Variants in NDRG1 observed in about 807,000 individuals in gnomAD.
NDRG1 encodes the protein N-myc downstream regulated 1, also known as protein NDRG1.
In NDRG1, 32 loss-of-function variants were observed where a neutral mutation model predicts 56.9. The observed-to-expected ratio is 0.56, with a 90% CI of 0.42 to 0.76. NDRG1 has a LOEUF of 0.76. NDRG1 is among the 30% of genes least tolerant of loss of function. NDRG1 has a pLI of 0.00. For synonymous variants in NDRG1, 211 were observed against 204.1 expected (o/e 1.03, Z -0.29); for missense variants, 507 against 545.7 (o/e 0.93, Z 0.71).
At chr8:133,243,466 G>C (rs747039405) in intron 14 of NDRG1, among the ~76,000 whole-genome samples, 4 of 152,166 alleles carry the variant, frequency 2.6e-5, no homozygotes, top group Non-Finnish European at 5.9e-5. Context: ...GAGGACTATT[G>C]CAAGGACCTA....
At chr8:133,293,879 C>T (rs34246778) in intron 1 of NDRG1, among the ~76,000 whole-genome samples, 1 of 152,196 alleles carries the variant, frequency 6.6e-6, no homozygotes, top group African/African-American at 2.4e-5. Context: ...AAAGCAATAC[C>T]TAGGTCAAGC....
intron 1 of NDRG1, among the ~76,000 whole-genome samples, chr8:133,289,725 C>T (rs374799908): frequency 5.3e-5 from 8 of 152,122 alleles, no homozygotes; most frequent in South Asian, 2.1e-4. Flanking sequence ...TTCAGTAATC[C>T]GACACCACTT....
chr8:133,257,886 A>G (rs1856463429), intron 7 of NDRG1, among the ~76,000 whole-genome samples: 1 of 152,246 alleles, frequency 6.6e-6, no homozygotes, highest in African/African-American at 2.4e-5. Context: ...ATGGATGTAC[A>G]AAATGAGTAT....
intron 3 of NDRG1, among the ~76,000 whole-genome samples, chr8:133,274,652 G>A (rs1480614344): frequency 1.3e-5 from 2 of 152,218 alleles, no homozygotes; most frequent in African/African-American, 4.8e-5. Flanking sequence ...TAAGCCCAAT[G>A]AAGTGTTGCT....
intron 5 of NDRG1, among the ~76,000 whole-genome samples, chr8:133,261,036 T>G (rs553739890): frequency 6.6e-6 from 1 of 152,186 alleles, no homozygotes; most frequent in Non-Finnish European, 1.5e-5. Flanking sequence ...TAAGGCAGCC[T>G]GATGTTCCAA....
intron 1 of NDRG1, chr8:133,296,392 G>A (rs915620911): frequency 1.6e-5 from 7 of 436,312 alleles, no homozygotes; most frequent in Non-Finnish European, 3.3e-5. Context: ...CCAATCCCGG[G>A]TTCCTCCGGG....
chr8:133,253,127 T>C (rs1020491081), intron 9 of NDRG1, among the ~76,000 whole-genome samples: 1 of 152,232 alleles, frequency 6.6e-6, no homozygotes, highest in Non-Finnish European at 1.5e-5. Context: ...ACCAAGCCCA[T>C]GGCATACCCT....
At chr8:133,240,674 C>CT (rs1297164138) in intron 15 of NDRG1, 3 of 152,210 alleles carry the variant, frequency 2.0e-5, no homozygotes, top group African/African-American at 7.2e-5. Context: ...TATTTTCCCC[C>CT]CAAGACCTGC....
At chr8:133,251,164 C>T (rs919355819) in intron 9 of NDRG1, among the ~76,000 whole-genome samples, 1 of 152,190 alleles carries the variant, frequency 6.6e-6, no homozygotes, top group Non-Finnish European at 1.5e-5. Flanking sequence ...TTGGGGAAGT[C>T]GGCCTCAGCC....
intron 1 of NDRG1, among the ~76,000 whole-genome samples, chr8:133,287,766 AC>A (rs1858199480): frequency 6.6e-6 from 1 of 152,232 alleles, no homozygotes. Flanking sequence ...CCACATGCCC[AC>A]AGCATACACC....
At chr8:133,262,350 C>A in intron 4 of NDRG1, 183 bp from the exon 5 acceptor site, 1 of 678,148 alleles carries the variant, frequency 1.5e-6, no homozygotes, top group Non-Finnish European at 2.5e-6. Context: ...CTTTCCTCTG[C>A]TGATAAAAAG....
chr8:133,262,006 G>A, intron 5 of NDRG1, 41 bp downstream of exon 5: 3 of 1,551,438 alleles, frequency 1.9e-6, no homozygotes, highest in Non-Finnish European at 2.6e-6. Flanking sequence ...CCGACACCCA[G>A]TTTCCACCCT....
At chr8:133,283,446 T>C (rs961365451) in intron 2 of NDRG1, among the ~76,000 whole-genome samples, 1 of 152,218 alleles carries the variant, frequency 6.6e-6, no homozygotes, top group African/African-American at 2.4e-5. Flanking sequence ...TGTGCAAATG[T>C]AAAGGTTCAT....
intron 1 of NDRG1, among the ~76,000 whole-genome samples, chr8:133,285,447 G>A (rs1586492120): frequency 6.6e-6 from 1 of 152,212 alleles, no homozygotes; most frequent in South Asian, 2.1e-4. Context: ...CAGCTTCAGA[G>A]TGGGAACCTG....
At chr8:133,243,702 C>A (rs1855507196) in intron 14 of NDRG1, among the ~76,000 whole-genome samples, 1 of 152,096 alleles carries the variant, frequency 6.6e-6, no homozygotes, top group African/African-American at 2.4e-5. Context: ...GGAGGCAGGG[C>A]AGGTTTTGGA....
At chr8:133,244,907 G>A (rs1012650700) in intron 13 of NDRG1, among the ~76,000 whole-genome samples, 10 of 152,136 alleles carry the variant, frequency 6.6e-5, no homozygotes, top group African/African-American at 2.4e-4. Context: ...TGAAATCACC[G>A]AACCGCAAGA....
At chr8:133,284,837 G>T (rs1447296552) in intron 1 of NDRG1, 2 of 456,740 alleles carry the variant, frequency 4.4e-6, no homozygotes, top group Middle Eastern at 3.2e-4. Context: ...AGACACACAG[G>T]CACACGCATG....
At chr8:133,249,695 A>T (rs1412288897) in intron 10 of NDRG1, among the ~76,000 whole-genome samples, 1 of 152,242 alleles carries the variant, frequency 6.6e-6, no homozygotes, top group South Asian at 2.1e-4. Context: ...CGGTTTCTTC[A>T]GTCACATCCA....
At chr8:133,281,056 C>A (rs1857768002) in intron 2 of NDRG1, 1 of 152,162 alleles carries the variant, frequency 6.6e-6, no homozygotes, top group South Asian at 2.1e-4. Flanking sequence ...TTCCCTCAAT[C>A]TAAAAATTCT....
Sources: gnomAD v4.1 joint callset for allele counts (sites outside exome capture counted in the v4.1 genomes callset) on GRCh38, gnomAD v4.1.1 for gene constraint, MANE v1.5 for transcripts, NCBI Gene and HGNC (gene_info 2026-07-23, HGNC 2026-07-21) for gene names.